The following SEMA3E variants were observed in gnomAD, a reference collection of about 807,000 sequenced individuals.
The protein encoded by SEMA3E is semaphorin-3E.
A neutral mutation model predicts 93.6 loss-of-function variants in SEMA3E; 49 were observed. The ratio of observed to expected loss-of-function variants is 0.52; its 90% CI spans 0.42 to 0.66. The LOEUF (loss-of-function observed/expected upper bound fraction) is 0.66. SEMA3E is among the 30% of genes least tolerant of loss of function. SEMA3E has a pLI of 0.00. For synonymous variants in SEMA3E, 363 were observed against 330.7 expected, an observed-to-expected ratio of 1.10 and a Z score of -1.06; for missense variants, 906 against 964.8, an observed-to-expected ratio of 0.94 and a Z score of 0.81.
chr7:83,568,013 A>C (rs74999163), intron 1 of SEMA3E, among the ~76,000 whole-genome samples: 6,534 of 152,032 alleles, frequency 0.043, 379 homozygotes, highest in African/African-American at 0.13. Flanking sequence ...AGAAAAAAAA[A>C]CTCCAATAAA....
At chr7:83,477,534 A>G (rs1018887103) in intron 2 of SEMA3E, among the ~76,000 whole-genome samples, 3 of 152,166 alleles carry the variant, frequency 2.0e-5, no homozygotes, top group Admixed American at 6.5e-5. Flanking sequence ...AATAACTGTC[A>G]TTACTCAAGC....
intron 1 of SEMA3E, among the ~76,000 whole-genome samples, chr7:83,601,002 AC>A (rs1272445685): frequency 6.6e-6 from 1 of 152,170 alleles, no homozygotes; most frequent in African/African-American, 2.4e-5. Context: ...TCTGGGTGAA[AC>A]CAATGCAATC....
intron 2 of SEMA3E, among the ~76,000 whole-genome samples, chr7:83,480,341 T>A (rs973146486): frequency 2.0e-5 from 3 of 152,004 alleles, no homozygotes; most frequent in Admixed American, 6.6e-5. Context: ...GGCAGGAGAA[T>A]CAATTGAACC....
intron 1 of SEMA3E, among the ~76,000 whole-genome samples, chr7:83,555,031 T>C (rs113467319): frequency 6.9e-6 from 1 of 144,690 alleles, no homozygotes; most frequent in Non-Finnish European, 1.5e-5. Context: ...GTGCTTTTCA[T>C]AGAAACAATT....
At chr7:83,481,323 C>T (rs1336639850) in intron 2 of SEMA3E, among the ~76,000 whole-genome samples, 1 of 151,812 alleles carries the variant, frequency 6.6e-6, no homozygotes, top group African/African-American at 2.4e-5. Context: ...TTTAGTTCAG[C>T]CCAAGGTCTT....
In SEMA3E at chr7:83,463,355, A is replaced by G. The variant is rs1328361631; in HGVS notation, c.456+3127T>C. Among the ~76,000 whole-genome samples the G allele has an allele frequency of 3.1e-3, 467 of 152,150 alleles. 1 individual carries two copies. Among genetic ancestry groups the G allele is most frequent in the African/African-American group, 0.011 (442 of 41,522 alleles). On this transcript the variant is annotated intron_variant, in intron 4 of 16. Coordinates refer to ENST00000643230, the MANE Select transcript of SEMA3E (RefSeq NM_012431.3). Reference sequence around the variant, plus strand: ...TACTTTTAGAGGCCCTCAAAATCACAAACTATGCTCAACTCACTCTCTACA... The same window carrying G: ...TACTTTTAGAGGCCCTCAAAATCACGAACTATGCTCAACTCACTCTCTACA...
chr7:83,484,367 A>G (rs2255872), intron 2 of SEMA3E, among the ~76,000 whole-genome samples: 66,256 of 151,894 alleles, frequency 0.44, 15,348 homozygotes, highest in East Asian at 0.63. Flanking sequence ...ATCCATTGCT[A>G]CTTTCTCCTC....
chr7:83,402,382 A>T lies in SEMA3E; in HGVS notation c.1143+250T>A, dbSNP rs755701336. 4.6e-3 allele frequency among the ~76,000 whole-genome samples: 703 copies of T among 152,114 alleles called. 23 individuals carry two copies. The highest frequency in any genetic ancestry group is 0.039 in the Admixed American group (590 of 15,238). ...ATTTCAATTGGTGTTACTTAGCCAA[A>T]ATATCAATAATAGTACATATTTTAT... On this transcript the variant is annotated intron_variant, in intron 10 of 16. Coordinates refer to ENST00000643230, the MANE Select transcript of SEMA3E (RefSeq NM_012431.3).
At chr7:83,439,017 A>C (rs1204238212) in intron 4 of SEMA3E, among the ~76,000 whole-genome samples, 1 of 152,164 alleles carries the variant, frequency 6.6e-6, no homozygotes, top group Non-Finnish European at 1.5e-5. Context: ...CAGGAATCAA[A>C]ATTCTTTTTT....
intron 16 of SEMA3E, among the ~76,000 whole-genome samples, chr7:83,379,471 T>C (rs148144427): frequency 1.2e-3 from 182 of 152,038 alleles, no homozygotes; most frequent in Middle Eastern, 3.4e-3. Flanking sequence ...TAGAATAGCA[T>C]GGCATATAGT....
At chr7:83,386,083 C>G (rs138308703) in intron 15 of SEMA3E, among the ~76,000 whole-genome samples, 3 of 152,164 alleles carry the variant, frequency 2.0e-5, no homozygotes, top group African/African-American at 7.2e-5. Flanking sequence ...TAAACTAAGA[C>G]AAATTCAATA....
At chr7:83,484,310 GGT>G (rs1381245093) in intron 2 of SEMA3E, among the ~76,000 whole-genome samples, 1 of 152,068 alleles carries the variant, frequency 6.6e-6, no homozygotes, top group African/African-American at 2.4e-5. Context: ...AACTTCATAT[GGT>G]CACAATCATA....
intron 16 of SEMA3E, among the ~76,000 whole-genome samples, chr7:83,384,007 G>T (rs576121573): frequency 6.6e-6 from 1 of 152,002 alleles, no homozygotes; most frequent in South Asian, 2.1e-4. Flanking sequence ...GTACATTTTT[G>T]GACATGTGTT....
intron 4 of SEMA3E, among the ~76,000 whole-genome samples, chr7:83,426,207 C>T (rs1379085224): frequency 6.6e-6 from 1 of 152,112 alleles, no homozygotes; most frequent in Non-Finnish European, 1.5e-5. Context: ...TCATTCAACC[C>T]AGCAATCCCG....
chr7:83,565,614 T>C (rs531525224), intron 1 of SEMA3E, among the ~76,000 whole-genome samples: 8 of 152,236 alleles, frequency 5.3e-5, no homozygotes, highest in Non-Finnish European at 1.0e-4. Flanking sequence ...TCTGATCTTT[T>C]ATCAATTTGT....
At chr7:83,390,102 C>G (rs1341274415) in intron 14 of SEMA3E, among the ~76,000 whole-genome samples, 1 of 89,678 alleles carries the variant, frequency 1.1e-5, no homozygotes, top group Non-Finnish European at 2.3e-5. Context: ...TGCGCGTATA[C>G]GTGTGCACAT....
chr7:83,374,558 G>A (rs1043990617), intron 16 of SEMA3E, among the ~76,000 whole-genome samples: 1 of 152,142 alleles, frequency 6.6e-6, no homozygotes, highest in African/African-American at 2.4e-5. Context: ...AATGAATTAA[G>A]AGCAATGTAT....
chr7:83,474,203 A>G (rs2115911320), intron 2 of SEMA3E, among the ~76,000 whole-genome samples: 1 of 152,096 alleles, frequency 6.6e-6, no homozygotes, highest in African/African-American at 2.4e-5. Flanking sequence ...GAAGTGAAAG[A>G]GGCTTGTCAC....
intron 4 of SEMA3E, among the ~76,000 whole-genome samples, chr7:83,435,569 G>A (rs182513448): frequency 2.6e-5 from 4 of 152,090 alleles, no homozygotes; most frequent in East Asian, 3.9e-4. Flanking sequence ...GCACTCCAGC[G>A]TGGGAGACAG....
Sources: allele counts gnomAD v4.1 joint callset (sites outside exome capture counted in the v4.1 genomes callset), GRCh38; gene constraint gnomAD v4.1.1; transcripts MANE v1.5; gene names NCBI Gene and HGNC (gene_info 2026-07-23, HGNC 2026-07-21).